The following P2RY6 variants were observed in gnomAD, a reference collection of about 807,000 sequenced individuals.
The protein encoded by P2RY6 is P2Y purinoceptor 6.
A neutral mutation model predicts 16.3 loss-of-function variants in P2RY6; 19 were observed. The ratio of observed to expected loss-of-function variants is 1.16; its 90% CI spans 0.81 to 1.71. The LOEUF is 1.71. P2RY6 is among the 40% of genes most tolerant of loss of function. The probability of loss-of-function intolerance (pLI) is 0.00; values close to 1 mark genes in which losing one functional copy is unlikely to be tolerated. For missense variants in P2RY6, 389 were observed against 455.5 expected (o/e 0.85, Z 1.33); for synonymous variants, 184 against 201.5 (o/e 0.91, Z 0.74).
intron 1 of P2RY6, among the ~76,000 whole-genome samples, chr11:73,275,164 C>T (rs1863486983): frequency 6.6e-6 from 1 of 152,182 alleles, no homozygotes; most frequent in South Asian, 2.1e-4. Flanking sequence ...GGGTCCAGCT[C>T]TCCCCTTAGG....
upstream of P2RY6, chr11:73,272,269 C>T: frequency 5.7e-6 from 5 of 882,418 alleles, no homozygotes; most frequent in Non-Finnish European, 6.8e-6. Flanking sequence ...CTGCTGCTTG[C>T]CAGCTCTGTG....
intron 1 of P2RY6, among the ~76,000 whole-genome samples, chr11:73,295,230 G>C (rs1864423210): frequency 6.6e-6 from 1 of 152,168 alleles, no homozygotes; most frequent in African/African-American, 2.4e-5. Context: ...CCAAAACCCA[G>C]CCCGAAAGAA....
At chr11:73,284,168 G>T (rs1863873471) in intron 1 of P2RY6, among the ~76,000 whole-genome samples, 1 of 152,076 alleles carries the variant, frequency 6.6e-6, no homozygotes, top group African/African-American at 2.4e-5. Context: ...AAAAGGTTGG[G>T]GACCCAGCCA....
intron 1 of P2RY6, among the ~76,000 whole-genome samples, chr11:73,273,164 T>C (rs1863389685): frequency 6.6e-6 from 1 of 151,280 alleles, no homozygotes; most frequent in Non-Finnish European, 1.5e-5. Flanking sequence ...CTGGGAGAGC[T>C]GGGTTAAAAC....
upstream of P2RY6, among the ~76,000 whole-genome samples, chr11:73,269,025 C>T (rs1174925596): frequency 6.6e-6 from 1 of 152,218 alleles, no homozygotes; most frequent in African/African-American, 2.4e-5. Flanking sequence ...ACTGTGAGCC[C>T]AGCCCAGAGC....
rs572547857 is a variant in P2RY6 at position 73,298,404 on chromosome 11, C to T, written c.*899C>T. ...GCTTCAGCTACCCTCCAGACAAGGG[C>T]AAGAGTTAGCCAGATGCTCCAGGCA... On this transcript the variant is annotated 3_prime_UTR_variant, in exon 3 of 3. Coordinates refer to ENST00000540124, the MANE Select transcript of P2RY6 (RefSeq NM_001277204.2). 1.8e-5 allele frequency: 3 copies of T among 167,236 alleles called. No homozygotes were observed. The South Asian group carries it at 6.2e-4, about 35-fold the overall frequency. 10.4% of individuals were successfully genotyped at this position (167,236 alleles called of 1,614,324 possible).
rs1864446600 is a variant in P2RY6, at chr11:73,295,747, A to G, written c.-103A>G. On this transcript the variant is annotated 5_prime_UTR_variant, in exon 2 of 3. Transcript: ENST00000540124. ...TTTTACAGATAACAAGACCTCTGCCAGAAGAACCATGGCTTTGGAAGGCGG... is the reference window on the plus strand; with the variant it reads ...TTTTACAGATAACAAGACCTCTGCCGGAAGAACCATGGCTTTGGAAGGCGG... 1.0e-6 allele frequency: 1 copy of G among 984,994 alleles called. No individual in the cohort carries two copies. Among genetic ancestry groups the G allele is most frequent in the Non-Finnish European group, 1.2e-6 (1 of 829,638 alleles). The allele number at this position is 984,994 out of a possible 1,614,324, so 61.0% of individuals were successfully genotyped here. A position where few individuals can be genotyped will look rare whatever the true frequency, so the allele number is the denominator to read the frequency against.
At chr11:73,293,141 C>T (rs1245921501) in intron 1 of P2RY6, among the ~76,000 whole-genome samples, 1 of 152,132 alleles carries the variant, frequency 6.6e-6, no homozygotes, top group Non-Finnish European at 1.5e-5. Context: ...TAGATAGACA[C>T]TTAGGGTTTT....
At chr11:73,266,522 A>T (rs1863109148) in intron 1 of P2RY6, among the ~76,000 whole-genome samples, 1 of 151,472 alleles carries the variant, frequency 6.6e-6, no homozygotes. Context: ...GGAGGCTGTG[A>T]GGTCAGCATT....
At position 73,296,581 on chromosome 11, in the gene P2RY6, C is replaced by T. The variant is rs376517250; in HGVS notation, c.63C>T (p.Arg21=). The T allele has an allele frequency of 4.7e-5, 76 of 1,614,090 alleles. No homozygotes were observed. The highest frequency in any genetic ancestry group is 4.5e-4 in the East Asian group (20 of 44,888). ...LGLPPTTCVY[R]ENFKQLLLPP... is the part of the protein sequence containing the mutation. Reference sequence around the variant, plus strand: ...TGCCACCCACCACCTGTGTCTACCGCGAGAACTTCAAGCAACTGCTGCTGC... The same window carrying T: ...TGCCACCCACCACCTGTGTCTACCGTGAGAACTTCAAGCAACTGCTGCTGC... Residue 21 remains arginine (R), a synonymous_variant, in exon 3 of 3, where the codon CGC becomes CGT. Transcript: ENST00000540124.
chr11:73,276,813 T>C (rs182490216), intron 1 of P2RY6, among the ~76,000 whole-genome samples: 1 of 152,238 alleles, frequency 6.6e-6, no homozygotes, highest in African/African-American at 2.4e-5. Flanking sequence ...CTTGTGAATA[T>C]GCTAAAAACC....
intron 1 of P2RY6, among the ~76,000 whole-genome samples, chr11:73,274,794 G>A (rs1363214594): frequency 6.6e-6 from 1 of 152,188 alleles, no homozygotes. Context: ...AGAGGACCCG[G>A]GGCCTGTCGA....
intron 1 of P2RY6, among the ~76,000 whole-genome samples, chr11:73,294,703 T>G (rs1437309067): frequency 2.6e-5 from 4 of 152,228 alleles, no homozygotes; most frequent in Admixed American, 1.3e-4. Flanking sequence ...AAAATGAAAT[T>G]GCAAGTTGGG....
upstream of P2RY6, among the ~76,000 whole-genome samples, chr11:73,269,261 C>T (rs899374215): frequency 2.0e-5 from 3 of 152,112 alleles, no homozygotes; most frequent in South Asian, 2.1e-4. Context: ...CCACAGGCAA[C>T]GGAGGGTCTA....
At chr11:73,293,008 C>T (rs1806516) in intron 1 of P2RY6, 214,706 of 402,088 alleles carry the variant, frequency 0.53, 66,936 homozygotes, top group Admixed American at 0.72. Flanking sequence ...ACTGTGACTT[C>T]GGGTAGGTAG....
At chr11:73,290,376 A>G (rs561158618) in intron 1 of P2RY6, among the ~76,000 whole-genome samples, 9 of 150,022 alleles carry the variant, frequency 6.0e-5, no homozygotes, top group Admixed American at 1.3e-4. Context: ...GGAAAGAAAG[A>G]GAAAGAAAGA....
rs760191570 is a variant in P2RY6, at chr11:73,297,462, T to A, written c.944T>A (p.Leu315His). ...AAGTTCCGCCGGCGACCACATGAGC[T>A]CCTACAGAAACTCACAGCCAAATGG... is the stretch of plus-strand genomic sequence containing the variant. ...QKKFRRRPHELLQKLTAKWQR... is the reference protein window; with the variant it reads ...QKKFRRRPHEHLQKLTAKWQR... The change falls in exon 3 of 3, where the codon CTC becomes CAC. Residue 315 changes from leucine (L) to histidine (H), a missense_variant. Leu to His is a moderately conservative substitution (Grantham distance 99, BLOSUM62 -3). Transcript: ENST00000540124. The A allele has an allele frequency of 5.0e-6, 8 of 1,611,808 alleles. No individual in the cohort carries two copies. Among genetic ancestry groups the A allele is most frequent in the Non-Finnish European group, 5.9e-6 (7 of 1,179,014 alleles).
At chr11:73,274,306 A>G (rs1280364851) in intron 1 of P2RY6, among the ~76,000 whole-genome samples, 1 of 152,240 alleles carries the variant, frequency 6.6e-6, no homozygotes, top group Admixed American at 6.5e-5. Flanking sequence ...GAATAAATAA[A>G]TGAAATAACG....
intron 1 of P2RY6, among the ~76,000 whole-genome samples, chr11:73,291,416 G>C (rs1049467769): frequency 4.6e-5 from 7 of 152,194 alleles, no homozygotes; most frequent in African/African-American, 1.7e-4. Context: ...ACCCAGCAAA[G>C]GACTGGCTGC....
Sources: allele counts gnomAD v4.1 joint callset (sites outside exome capture counted in the v4.1 genomes callset), GRCh38; gene constraint gnomAD v4.1.1; transcripts MANE v1.5; gene names NCBI Gene and HGNC (gene_info 2026-07-23, HGNC 2026-07-21).